Variants in HNF4G observed in about 807,000 individuals in gnomAD.
HNF4G encodes the protein hepatocyte nuclear factor 4-gamma.
In HNF4G, 21 loss-of-function variants were observed where a neutral mutation model predicts 50.9. The observed-to-expected ratio is 0.41, with a 90% CI of 0.29 to 0.59. The LOEUF (loss-of-function observed/expected upper bound fraction) is 0.59. Ranked by LOEUF, HNF4G falls within the 20% of genes least tolerant of loss-of-function variation. The pLI is 0.26. For synonymous variants in HNF4G, 198 were observed against 185.6 expected, an observed-to-expected ratio of 1.07 and a Z score of -0.54; for missense variants, 527 against 559.4, an observed-to-expected ratio of 0.94 and a Z score of 0.58.
At chr8:75,487,670 C>T (rs1273252641) in intron 1 of HNF4G, among the ~76,000 whole-genome samples, 1 of 152,180 alleles carries the variant, frequency 6.6e-6, no homozygotes, top group Non-Finnish European at 1.5e-5. Flanking sequence ...CTCTGAATTT[C>T]AGGACTAACT....
intron 2 of HNF4G, among the ~76,000 whole-genome samples, chr8:75,529,887 T>G (rs1053797249): frequency 6.6e-6 from 1 of 152,198 alleles, no homozygotes; most frequent in African/African-American, 2.4e-5. Flanking sequence ...TTAATTTTGT[T>G]GTCCTCTCCT....
At chr8:75,408,840 T>A (rs576612771) in intron 1 of HNF4G, among the ~76,000 whole-genome samples, 279 of 152,336 alleles carry the variant, frequency 1.8e-3, no homozygotes, top group Middle Eastern at 0.01. Context: ...AGCTCAAAAG[T>A]GAATGGGATG....
chr8:75,467,189 C>T (rs1812008744), intron 1 of HNF4G, among the ~76,000 whole-genome samples: 1 of 152,168 alleles, frequency 6.6e-6, no homozygotes, highest in Non-Finnish European at 1.5e-5. Flanking sequence ...GTCCCTGAGA[C>T]AGTTTCTCTA....
chr8:75,449,727 T>C (rs1397722005), intron 1 of HNF4G, among the ~76,000 whole-genome samples: 1 of 151,970 alleles, frequency 6.6e-6, no homozygotes, highest in Non-Finnish European at 1.5e-5. Context: ...CCGGATGGTC[T>C]CGATCTCCTG....
intron 1 of HNF4G, among the ~76,000 whole-genome samples, chr8:75,458,879 T>G (rs1409983614): frequency 6.6e-6 from 1 of 152,180 alleles, no homozygotes; most frequent in Admixed American, 6.5e-5. Flanking sequence ...TAACTGCTAT[T>G]TAATGGATAT....
intron 2 of HNF4G, among the ~76,000 whole-genome samples, chr8:75,511,367 T>C (rs1490157837): frequency 6.6e-6 from 1 of 152,202 alleles, no homozygotes; most frequent in Admixed American, 6.5e-5. Context: ...TACGTTTGCC[T>C]TAATATGTAA....
intron 1 of HNF4G, among the ~76,000 whole-genome samples, chr8:75,475,891 T>C (rs1812227805): frequency 6.6e-6 from 1 of 152,184 alleles, no homozygotes; most frequent in Admixed American, 6.5e-5. Flanking sequence ...ACTTTCAATT[T>C]CTGATGAAAA....
intron 1 of HNF4G, among the ~76,000 whole-genome samples, chr8:75,429,534 T>C (rs1480682436): frequency 6.6e-6 from 1 of 152,184 alleles, no homozygotes; most frequent in Non-Finnish European, 1.5e-5. Context: ...TCCCACATAA[T>C]GGAGGATTAT....
intron 1 of HNF4G, among the ~76,000 whole-genome samples, chr8:75,413,114 A>T (rs1449995898): frequency 6.6e-6 from 1 of 151,810 alleles, no homozygotes; most frequent in African/African-American, 2.4e-5. Flanking sequence ...GTGGGGAAGG[A>T]ACACTGGGCC....
rs182662718 is a variant in HNF4G, at chr8:75,481,248, C to G, written c.-143-8841C>G. On this transcript the variant is annotated intron_variant, in intron 1 of 10. Transcript: ENST00000354370. ...TTCTTTACTTTTAACACTTTATGAGCCATTTATGTTTTTCCTAATTCCTAT... is the reference window on the plus strand; with the variant it reads ...TTCTTTACTTTTAACACTTTATGAGGCATTTATGTTTTTCCTAATTCCTAT... 1.6e-3 allele frequency among the ~76,000 whole-genome samples: 243 copies of G among 152,250 alleles called. 4 individuals carry two copies. Among genetic ancestry groups the G allele is most frequent in the African/African-American group, 1.7e-3 (71 of 41,562 alleles).
In HNF4G at chr8:75,476,664, T is replaced by G. The variant is rs9693346; in HGVS notation, c.-143-13425T>G. Among the ~76,000 whole-genome samples the G allele has an allele frequency of 9.9e-3, 1,512 of 152,348 alleles. 30 individuals carry two copies. Among genetic ancestry groups the G allele is most frequent in the African/African-American group, 0.035 (1,438 of 41,580 alleles). ...TGTAGATTATGTATGCCATATTTTA[T>G]CAAGAGTTGAGATGCTAGAAATTCC... On this transcript the variant is annotated intron_variant, in intron 1 of 10. Transcript: ENST00000354370.
At chr8:75,487,418 C>G (rs893428902) in intron 1 of HNF4G, among the ~76,000 whole-genome samples, 2 of 152,150 alleles carry the variant, frequency 1.3e-5, no homozygotes, top group Non-Finnish European at 2.9e-5. Context: ...TTAATGGCTT[C>G]CAATCATTCA....
At chr8:75,546,414 T>A (rs887490870) in intron 2 of HNF4G, among the ~76,000 whole-genome samples, 1 of 152,076 alleles carries the variant, frequency 6.6e-6, no homozygotes, top group African/African-American at 2.4e-5. Flanking sequence ...ACAAGTCAGT[T>A]TTTTAGTGTA....
chr8:75,514,207 T>G (rs1336139941), intron 2 of HNF4G, among the ~76,000 whole-genome samples: 3 of 151,990 alleles, frequency 2.0e-5, no homozygotes, highest in Non-Finnish European at 4.4e-5. Flanking sequence ...TTCTTTTACA[T>G]GTATAATGAT....
rs190271168 is a variant in HNF4G, at chr8:75,565,713, G to A, written c.*1617G>A. ...AAAAGATTGAAATAATCTTTCTCAG[G>A]ATTTTTTAAATGTCTAAGATTATGA... is the stretch of plus-strand genomic sequence containing the variant. On this transcript the variant is annotated 3_prime_UTR_variant, in exon 10 of 10. Coordinates refer to ENST00000396423, the MANE Select transcript of HNF4G (RefSeq NM_004133.5). 6.6e-6 allele frequency: 1 copy of A among 152,010 alleles called. No homozygotes were observed. Among genetic ancestry groups the A allele is most frequent in the East Asian group, 1.9e-4 (1 of 5,184 alleles). The allele number at this position is 152,010 out of a possible 1,614,324, so 9.4% of individuals were successfully genotyped here.
At chr8:75,515,304 A>C (rs561647243) in intron 2 of HNF4G, among the ~76,000 whole-genome samples, 1 of 152,222 alleles carries the variant, frequency 6.6e-6, no homozygotes, top group African/African-American at 2.4e-5. Flanking sequence ...CAGTAATCTG[A>C]GATTTTAGTT....
chr8:75,523,559 G>A lies in HNF4G; in HGVS notation c.-23-20252G>A, dbSNP rs548252082. Among the ~76,000 whole-genome samples the A allele has an allele frequency of 8.5e-5, 13 of 152,084 alleles. No individual in the cohort carries two copies. In the South Asian group the frequency reaches 1.5e-3, roughly 17 times the overall value. On this transcript the variant is annotated intron_variant, in intron 2 of 10. Coordinates refer to the HNF4G transcript ENST00000354370. The stretch of plus-strand genomic sequence containing the variant: ...CTAGTGATAAACAATAAATATAGAA[G>A]AGAGGTATCTATGTGAGTCATTTTA...
At chr8:75,528,530 GT>G (rs1322093743) in intron 2 of HNF4G, among the ~76,000 whole-genome samples, 2 of 152,116 alleles carry the variant, frequency 1.3e-5, no homozygotes, top group African/African-American at 2.4e-5. Flanking sequence ...CTTTCTCTGT[GT>G]TTGAAAAATG....
chr8:75,439,241 T>C (rs190322322), intron 1 of HNF4G, among the ~76,000 whole-genome samples: 181 of 152,184 alleles, frequency 1.2e-3, no homozygotes, highest in African/African-American at 4.2e-3. Flanking sequence ...CCATGGAGCC[T>C]GGGATTACAG....
Sources: gnomAD v4.1 joint callset for allele counts (sites outside exome capture counted in the v4.1 genomes callset) on GRCh38, gnomAD v4.1.1 for gene constraint, MANE v1.5 for transcripts, NCBI Gene and HGNC (gene_info 2026-07-23, HGNC 2026-07-21) for gene names.